The following PPP6R2 variants were observed in gnomAD, a reference collection of about 807,000 sequenced individuals.
PPP6R2 encodes the protein protein phosphatase 6 regulatory subunit 2, also known as serine/threonine-protein phosphatase 6 regulatory subunit 2.
In PPP6R2, 62 loss-of-function variants were observed where a neutral mutation model predicts 100.2. The ratio of observed to expected loss-of-function variants is 0.62; its 90% confidence interval spans 0.50 to 0.76. The LOEUF is 0.76. Among genes scored for constraint, PPP6R2 ranks in the 30% least tolerant of loss-of-function variants. The probability of loss-of-function intolerance (pLI) is 0.00; values close to 1 mark genes in which losing one functional copy is unlikely to be tolerated. For missense variants in PPP6R2, 1,142 were observed against 1,276.3 expected, an observed-to-expected ratio of 0.89 and a Z score of 1.60; for synonymous variants, 525 against 514.7, an observed-to-expected ratio of 1.02 and a Z score of -0.27.
chr22:50,354,898 A>T (rs2046128667), intron 1 of PPP6R2, among the ~76,000 whole-genome samples: 1 of 133,706 alleles, frequency 7.5e-6, no homozygotes, highest in Admixed American at 8.4e-5. Context: ...AGACAGTCTC[A>T]TTCTGTGTCA....
Position 50,435,094 on chromosome 22 carries a change from C to T in PPP6R2, c.1516+13C>T, listed in dbSNP as rs747675194. On this transcript the variant is annotated intron_variant, in intron 13 of 23. Coordinates refer to ENST00000612753, the MANE Select transcript of PPP6R2 (RefSeq NM_001242898.2). ...GAGGTCATCCGAGGTGAGCCCCCAA[C>T]CCGGTCATCCTTCTGCTGGTCGCGG... is the stretch of plus-strand genomic sequence containing the variant. The T allele has an allele frequency of 2.2e-5, 34 of 1,517,242 alleles. No individual in the cohort carries two copies. Among genetic ancestry groups the T allele is most frequent in the Non-Finnish European group, 3.0e-5 (34 of 1,130,712 alleles). 94.0% of individuals were successfully genotyped at this position (1,517,242 alleles called of 1,614,324 possible). A position where few individuals can be genotyped will look rare whatever the true frequency, so the allele number is the denominator to read the frequency against.
chr22:50,439,898 G>A (rs2065199725), intron 20 of PPP6R2, 41 bp downstream of exon 20: 1 of 1,607,444 alleles, frequency 6.2e-7, no homozygotes, highest in Non-Finnish European at 8.5e-7. Flanking sequence ...GCCAGGAAGT[G>A]CCTGTCAGGG....
chr22:50,359,000 C>G (rs1421344338), intron 1 of PPP6R2, among the ~76,000 whole-genome samples: 13 of 106,386 alleles, frequency 1.2e-4, no homozygotes, highest in East Asian at 3.3e-4. Flanking sequence ...GCCCCCCCCC[C>G]CCCCCCAACT....
At chr22:50,371,215 G>T (rs1053684025) in intron 1 of PPP6R2, among the ~76,000 whole-genome samples, 2 of 152,154 alleles carry the variant, frequency 1.3e-5, no homozygotes, top group African/African-American at 4.8e-5. Context: ...ATATAGCCAG[G>T]CACAGTGGTT....
At chr22:50,412,548 A>G (rs1389800823) in intron 4 of PPP6R2, among the ~76,000 whole-genome samples, 1 of 150,532 alleles carries the variant, frequency 6.6e-6, no homozygotes, top group Non-Finnish European at 1.5e-5. Context: ...CTGTATAGAG[A>G]GCCTATTAAT....
chr22:50,415,631 C>T lies in PPP6R2; in HGVS notation c.553-461C>T, dbSNP rs138035702. Among the ~76,000 whole-genome samples, 407 of 152,356 alleles carry T rather than the reference C, an allele frequency of 2.7e-3. 2 individuals are homozygous for T. The highest frequency in any genetic ancestry group is 9.1e-3 in the African/African-American group (377 of 41,588). ...GGTACGGCCCAGGCCTGCCAGACCC[C>T]GACACTCACACTGGGCCCCCGTTGC... On this transcript the variant is annotated intron_variant, in intron 5 of 23. Transcript: ENST00000612753.
chr22:50,409,202 G>T (rs1457530297), intron 4 of PPP6R2, among the ~76,000 whole-genome samples: 2 of 152,180 alleles, frequency 1.3e-5, no homozygotes, highest in East Asian at 1.9e-4. Context: ...TGTGGGAGTA[G>T]CCTAAAGGTG....
chr22:50,415,535 G>C (rs1569454823), intron 5 of PPP6R2, among the ~76,000 whole-genome samples: 1 of 152,194 alleles, frequency 6.6e-6, no homozygotes, highest in Non-Finnish European at 1.5e-5. Flanking sequence ...AAGTAGCCAC[G>C]GGGGGACAGC....
chr22:50,421,330 A>C (rs1407416779), intron 8 of PPP6R2, among the ~76,000 whole-genome samples: 2 of 152,100 alleles, frequency 1.3e-5, no homozygotes, highest in African/African-American at 4.8e-5. Context: ...TGTTTCTCTT[A>C]GATTATTGTG....
Position 50,415,470 on chromosome 22 carries a change from C to G in PPP6R2, c.553-622C>G, listed in dbSNP as rs536861095. 5.9e-5 allele frequency among the ~76,000 whole-genome samples: 9 copies of G among 152,368 alleles called. No homozygotes were observed. The South Asian group carries it at 1.9e-3, about 32-fold the overall frequency. ...GTGGTCATAGCCGTTAGTGGGAAGC[C>G]TGCAGAACTGTACGTCAGGCAGCCT... On this transcript the variant is annotated intron_variant, in intron 5 of 23. Coordinates refer to ENST00000612753, the MANE Select transcript of PPP6R2 (RefSeq NM_001242898.2).
intron 1 of PPP6R2, among the ~76,000 whole-genome samples, chr22:50,370,426 T>C (rs1458291566): frequency 4.0e-5 from 6 of 151,496 alleles, no homozygotes; most frequent in Non-Finnish European, 8.8e-5. Flanking sequence ...GAGATGGGAT[T>C]ACAGGCGCCT....
intron 2 of PPP6R2, chr22:50,389,221 T>G (rs906611261): frequency 5.9e-5 from 9 of 152,214 alleles, no homozygotes; most frequent in African/African-American, 2.2e-4. Flanking sequence ...AGACTTCCGA[T>G]GTAACCAGAA....
chr22:50,442,651 G>A (rs963626314), intron 22 of PPP6R2, among the ~76,000 whole-genome samples: 6 of 152,088 alleles, frequency 3.9e-5, no homozygotes, highest in African/African-American at 7.2e-5. Context: ...CCGGGTTCAC[G>A]CCATTCTCCT....
Position 50,372,116 on chromosome 22 carries a change from G to A in PPP6R2, c.-51G>A, listed in dbSNP as rs2050344483. On this transcript the variant is annotated 5_prime_UTR_variant, in exon 2 of 24. An upstream open reading frame in the 5' UTR loses its in-frame stop. Coordinates refer to ENST00000612753, the MANE Select transcript of PPP6R2 (RefSeq NM_001242898.2). The stretch of plus-strand genomic sequence containing the variant: ...CCACAAATGTTTTTCTGTTTTGCCT[G>A]AATACATGATTTAAACAAGAGATTT... 1 of 152,144 alleles carries A rather than the reference G, an allele frequency of 6.6e-6. No homozygotes were observed. The highest frequency in any genetic ancestry group is 2.4e-5 in the African/African-American group (1 of 41,434). The allele number at this position is 152,144 out of a possible 1,614,324, so 9.4% of individuals were successfully genotyped here. A position where few individuals can be genotyped will look rare whatever the true frequency, so the allele number is the denominator to read the frequency against.
chr22:50,348,018 G>C (rs924157240), intron 1 of PPP6R2, among the ~76,000 whole-genome samples: 3 of 152,134 alleles, frequency 2.0e-5, no homozygotes, highest in Admixed American at 6.6e-5. Context: ...GAGACAAATT[G>C]GGGGACAGAG....
chr22:50,380,512 C>A (rs2052646361), intron 2 of PPP6R2, among the ~76,000 whole-genome samples: 1 of 151,304 alleles, frequency 6.6e-6, no homozygotes, highest in African/African-American at 2.4e-5. Context: ...AGGTGCCCGC[C>A]ACCACACGCA....
chr22:50,384,821 G>C (rs1256380227), intron 2 of PPP6R2, among the ~76,000 whole-genome samples: 1 of 152,122 alleles, frequency 6.6e-6, no homozygotes, highest in African/African-American at 2.4e-5. Context: ...GCTCACTGCA[G>C]CTTCAACCTC....
chr22:50,415,448 G>A, intron 5 of PPP6R2, among the ~76,000 whole-genome samples: 1 of 152,222 alleles, frequency 6.6e-6, no homozygotes, highest in South Asian at 2.1e-4. Context: ...ACTAGCTGTG[G>A]TCATAGCCGT....
At chr22:50,430,269 G>A (rs1217042591) in intron 10 of PPP6R2, among the ~76,000 whole-genome samples, 1 of 152,250 alleles carries the variant, frequency 6.6e-6, no homozygotes. Flanking sequence ...TGCTGGTTAA[G>A]TCTGGGCTCC....
Sources: gnomAD v4.1 joint callset for allele counts (sites outside exome capture counted in the v4.1 genomes callset) on GRCh38, gnomAD v4.1.1 for gene constraint, MANE v1.5 for transcripts, NCBI Gene and HGNC (gene_info 2026-07-23, HGNC 2026-07-21) for gene names.